ALDH1A2: variants seen among roughly 807,000 people sequenced by gnomAD.
The protein encoded by ALDH1A2 is retinal dehydrogenase 2.
A neutral mutation model predicts 60.3 loss-of-function variants in ALDH1A2; 27 were observed. That is an observed-to-expected ratio of 0.45 (90% CI 0.33 to 0.62). ALDH1A2 has a LOEUF of 0.62. Ranked by LOEUF, ALDH1A2 falls within the 20% of genes least tolerant of loss-of-function variation. The pLI, the probability that ALDH1A2 is intolerant of heterozygous loss-of-function variation, is 0.02. For synonymous variants in ALDH1A2, 289 were observed against 232.4 expected (o/e 1.24, Z -2.21); for missense variants, 581 against 643.8 (o/e 0.90, Z 1.06).
At chr15:58,047,817 G>A (rs980635679) in intron 1 of ALDH1A2, among the ~76,000 whole-genome samples, 3 of 151,746 alleles carry the variant, frequency 2.0e-5, no homozygotes, top group African/African-American at 7.3e-5. Context: ...CAAAACATCT[G>A]GCTAAAAAGT....
chr15:58,053,372 A>C (rs1896823711), intron 1 of ALDH1A2, among the ~76,000 whole-genome samples: 1 of 152,092 alleles, frequency 6.6e-6, no homozygotes, highest in Admixed American at 6.5e-5. Flanking sequence ...AAAAAGCAAA[A>C]AGCATGCTAT....
intron 7 of ALDH1A2, among the ~76,000 whole-genome samples, chr15:57,976,459 C>T (rs1358801663): frequency 3.9e-5 from 6 of 152,174 alleles, no homozygotes; most frequent in Non-Finnish European, 8.8e-5. Context: ...ATGTTCCCCT[C>T]CCTGTGTCCA....
At chr15:57,972,737 C>A (rs1303402282) in intron 7 of ALDH1A2, among the ~76,000 whole-genome samples, 1 of 152,116 alleles carries the variant, frequency 6.6e-6, no homozygotes, top group Non-Finnish European at 1.5e-5. Flanking sequence ...AAGGTTTTTC[C>A]ACATGAAACT....
intron 12 of ALDH1A2, among the ~76,000 whole-genome samples, chr15:57,959,369 G>A (rs1476372514): frequency 6.6e-6 from 1 of 152,182 alleles, no homozygotes; most frequent in East Asian, 1.9e-4. Context: ...AGTGCATGAA[G>A]ACTCTGTAAA....
chr15:57,968,714 G>A (rs1893970810), intron 7 of ALDH1A2, among the ~76,000 whole-genome samples: 1 of 152,172 alleles, frequency 6.6e-6, no homozygotes, highest in Non-Finnish European at 1.5e-5. Flanking sequence ...ATAGTAAGAT[G>A]CTGAGTAAAT....
chr15:58,000,634 AAAGTTTAC>A (rs760998479), intron 4 of ALDH1A2, among the ~76,000 whole-genome samples: 21 of 151,976 alleles, frequency 1.4e-4, no homozygotes, highest in Admixed American at 2.6e-4. Flanking sequence ...TAAAATTAAA[AAAGTTTAC>A]TTGCTTACTG....
At chr15:58,032,453 T>C (rs1229816977) in intron 1 of ALDH1A2, among the ~76,000 whole-genome samples, 2 of 152,084 alleles carry the variant, frequency 1.3e-5, no homozygotes, top group African/African-American at 4.8e-5. Flanking sequence ...CATGTATACA[T>C]ATGTAACAAA....
At chr15:57,960,720 T>G in intron 12 of ALDH1A2, 50 bp downstream of exon 12, 1 of 1,488,480 alleles carries the variant, frequency 6.7e-7, no homozygotes, top group Non-Finnish European at 9.4e-7. Context: ...TGCTCTGTGC[T>G]GATATTTGCA....
intron 1 of ALDH1A2, among the ~76,000 whole-genome samples, chr15:58,058,467 TCA>T (rs142944740): frequency 0.39 from 49,665 of 126,960 alleles, 9,662 homozygotes; most frequent in Non-Finnish European, 0.47. Context: ...GAAATGATAT[TCA>T]AAAAAAAAAA....
At chr15:58,037,905 TG>T (rs1313212501) in intron 1 of ALDH1A2, among the ~76,000 whole-genome samples, 1 of 151,714 alleles carries the variant, frequency 6.6e-6, no homozygotes, top group Admixed American at 6.6e-5. Context: ...ACACACTTTG[TG>T]TTTTTTTTAG....
intron 1 of ALDH1A2, among the ~76,000 whole-genome samples, chr15:58,045,693 A>T (rs1302266914): frequency 6.6e-6 from 1 of 152,098 alleles, no homozygotes; most frequent in African/African-American, 2.4e-5. Flanking sequence ...GAACTGAACA[A>T]TGAGAACACG....
intron 5 of ALDH1A2, 121 bp downstream of exon 5, chr15:57,994,957 G>A: frequency 2.1e-6 from 2 of 930,534 alleles, no homozygotes; most frequent in Non-Finnish European, 3.6e-6. Context: ...TCAACAACAT[G>A]AGCTCAGTTT....
intron 7 of ALDH1A2, among the ~76,000 whole-genome samples, chr15:57,968,325 T>G (rs1215833352): frequency 4.6e-5 from 7 of 152,198 alleles, no homozygotes; most frequent in African/African-American, 1.7e-4. Context: ...TTTATCTCAT[T>G]TTAGAGATGA....
chr15:58,053,291 G>C (rs953609566), intron 1 of ALDH1A2, among the ~76,000 whole-genome samples: 3 of 152,220 alleles, frequency 2.0e-5, no homozygotes, highest in South Asian at 4.1e-4. Context: ...AATGACAGCA[G>C]AAATACTCCA....
intron 1 of ALDH1A2, among the ~76,000 whole-genome samples, chr15:58,064,870 AG>A (rs1445670889): frequency 1.3e-5 from 2 of 152,048 alleles, no homozygotes; most frequent in African/African-American, 4.8e-5. Flanking sequence ...AAAAAAAAAA[AG>A]TAAGTTCTTC....
intron 4 of ALDH1A2, among the ~76,000 whole-genome samples, chr15:58,000,149 C>G (rs1434912636): frequency 6.6e-6 from 1 of 151,936 alleles, no homozygotes; most frequent in Non-Finnish European, 1.5e-5. Context: ...AGCAAACCAC[C>G]ATGGCACACG....
At chr15:58,023,220 C>T (rs539591836) in intron 1 of ALDH1A2, among the ~76,000 whole-genome samples, 2 of 151,882 alleles carry the variant, frequency 1.3e-5, no homozygotes, top group Non-Finnish European at 2.9e-5. Flanking sequence ...AATCTTAGAA[C>T]CAGGCAAAAT....
intron 7 of ALDH1A2, among the ~76,000 whole-genome samples, chr15:57,990,057 AAGG>A (rs1894843240): frequency 6.6e-6 from 1 of 152,146 alleles, no homozygotes; most frequent in Non-Finnish European, 1.5e-5. Flanking sequence ...AAAAAGACTA[AAGG>A]AGAAGACTAC....
chr15:57,986,795 C>G (rs1894718889), intron 7 of ALDH1A2, among the ~76,000 whole-genome samples: 1 of 152,038 alleles, frequency 6.6e-6, no homozygotes, highest in East Asian at 1.9e-4. Flanking sequence ...GCCTCAACCT[C>G]CTGAGTAGCT....
Sources: gnomAD v4.1 joint callset for allele counts (sites outside exome capture counted in the v4.1 genomes callset) on GRCh38, gnomAD v4.1.1 for gene constraint, MANE v1.5 for transcripts, NCBI Gene and HGNC (gene_info 2026-07-23, HGNC 2026-07-21) for gene names.